Variants in ANKS1B observed in about 807,000 individuals in gnomAD.
ANKS1B encodes the protein ankyrin repeat and sterile alpha motif domain-containing protein 1B.
ANKS1B carries 36 observed loss-of-function variants against 148.3 expected under a neutral mutation model. The observed-to-expected ratio is 0.24, with a 90% confidence interval of 0.19 to 0.32. The LOEUF (loss-of-function observed/expected upper bound fraction) is 0.32. Among genes scored for constraint, ANKS1B ranks in the 10% least tolerant of loss-of-function variants. The pLI, the probability that ANKS1B is intolerant of heterozygous loss-of-function variation, is 1.00. For missense variants in ANKS1B, 1,157 were observed against 1,542.6 expected, an observed-to-expected ratio of 0.75 and a Z score of 4.19; for synonymous variants, 542 against 560.8, an observed-to-expected ratio of 0.97 and a Z score of 0.47.
At chr12:99,803,567 C>G (rs565295500) in intron 4 of ANKS1B, among the ~76,000 whole-genome samples, 10 of 152,076 alleles carry the variant, frequency 6.6e-5, no homozygotes, top group Non-Finnish European at 1.5e-4. Flanking sequence ...GTCTGCCTTT[C>G]TTCTGATATG....
chr12:99,800,097 T>C (rs1330504998), intron 4 of ANKS1B, among the ~76,000 whole-genome samples: 1 of 152,066 alleles, frequency 6.6e-6, no homozygotes, highest in East Asian at 1.9e-4. Context: ...TAACCTCCAG[T>C]GTGACTGTAT....
chr12:99,148,027 T>C (rs2073752721), intron 15 of ANKS1B, among the ~76,000 whole-genome samples: 1 of 152,194 alleles, frequency 6.6e-6, no homozygotes, highest in Middle Eastern at 3.4e-3. Context: ...AAGGAAGTGG[T>C]TGGAAGTGAG....
intron 8 of ANKS1B, among the ~76,000 whole-genome samples, chr12:99,732,082 G>A (rs1409132455): frequency 1.3e-5 from 2 of 152,062 alleles, no homozygotes; most frequent in Admixed American, 6.6e-5. Flanking sequence ...AGTCTTTAAG[G>A]AAATGCAAAT....
chr12:99,156,329 G>A (rs889383446), intron 14 of ANKS1B, among the ~76,000 whole-genome samples: 26 of 152,090 alleles, frequency 1.7e-4, no homozygotes, highest in African/African-American at 5.3e-4. Context: ...GTGAAACAAC[G>A]ACTTCTATAT....
In ANKS1B at chr12:98,829,632, T is replaced by C. The variant is rs2099278171; in HGVS notation, c.2887-279A>G. Among the ~76,000 whole-genome samples the C allele has an allele frequency of 6.6e-6, 1 of 152,216 alleles. No individual in the cohort carries two copies. Among genetic ancestry groups the C allele is most frequent in the African/African-American group, 2.4e-5 (1 of 41,454 alleles). On this transcript the variant is annotated intron_variant, in intron 18 of 26. Coordinates refer to ENST00000683438, the MANE Select transcript of ANKS1B (RefSeq NM_001352186.2). The surrounding 1 kb of genome is among the most constrained non-coding windows in gnomAD (Gnocchi z 5.2). The stretch of plus-strand genomic sequence containing the variant: ...GTCTCAGGAGGGAGGCACACCTATG[T>C]TGGGCACCTCTGACACTACTGCATG...
chr12:99,095,856 C>A lies in ANKS1B; in HGVS notation c.2527-10833G>T, dbSNP rs79213394. ...ATTGCCTCTTCTCATTTTGACTTAA[C>A]GTTGTGAATTTCTCATAAAAAGATG... On this transcript the variant is annotated intron_variant, in intron 15 of 26. Transcript: ENST00000683438. 6.4e-4 allele frequency among the ~76,000 whole-genome samples: 98 copies of A among 152,150 alleles called. No individual in the cohort carries two copies. In the East Asian group the frequency reaches 0.014, roughly 21 times the overall value.
chr12:99,138,246 T>C (rs1204827817), intron 15 of ANKS1B, among the ~76,000 whole-genome samples: 1 of 152,198 alleles, frequency 6.6e-6, no homozygotes, highest in Non-Finnish European at 1.5e-5. Context: ...GGATTATTGC[T>C]TTAGCTATTG....
intron 17 of ANKS1B, among the ~76,000 whole-genome samples, chr12:98,938,185 G>A (rs1002137176): frequency 6.6e-6 from 1 of 152,158 alleles, no homozygotes; most frequent in Non-Finnish European, 1.5e-5. Context: ...GATTAGCTAT[G>A]CAAATAGCAA....
intron 12 of ANKS1B, among the ~76,000 whole-genome samples, chr12:99,292,867 A>C (rs1468010013): frequency 1.3e-5 from 2 of 151,200 alleles, no homozygotes; most frequent in African/African-American, 2.4e-5. Flanking sequence ...GCTGGAGAGG[A>C]TGTGGAGAAA....
intron 12 of ANKS1B, among the ~76,000 whole-genome samples, chr12:99,350,426 A>G (rs2091279512): frequency 6.6e-6 from 1 of 152,190 alleles, no homozygotes; most frequent in Admixed American, 6.6e-5. Flanking sequence ...ATTAAAAACT[A>G]TGATGAAAAA....
At chr12:99,062,545 T>C (rs1305763629) in intron 16 of ANKS1B, among the ~76,000 whole-genome samples, 1 of 151,604 alleles carries the variant, frequency 6.6e-6, no homozygotes. Flanking sequence ...TGGTCAGCAG[T>C]GAGGGGATGC....
At chr12:99,378,010 T>C (rs1164521071) in intron 12 of ANKS1B, among the ~76,000 whole-genome samples, 1 of 152,096 alleles carries the variant, frequency 6.6e-6, no homozygotes, top group Non-Finnish European at 1.5e-5. Flanking sequence ...AAACAATTCT[T>C]TAATTAAAAG....
intron 1 of ANKS1B, among the ~76,000 whole-genome samples, chr12:99,833,387 G>A (rs2084332110): frequency 6.6e-6 from 1 of 152,148 alleles, no homozygotes; most frequent in Admixed American, 6.5e-5. Context: ...TACAGACCAG[G>A]GGAGAAACAA....
intron 14 of ANKS1B, among the ~76,000 whole-genome samples, chr12:99,241,376 TA>T (rs1190334467): frequency 6.6e-6 from 1 of 152,088 alleles, no homozygotes; most frequent in Non-Finnish European, 1.5e-5. Flanking sequence ...AATAGACCAA[TA>T]ACAGGTTCTG....
chr12:98,914,375 G>A (rs2099791149), intron 17 of ANKS1B, among the ~76,000 whole-genome samples: 1 of 152,022 alleles, frequency 6.6e-6, no homozygotes, highest in African/African-American at 2.4e-5. Flanking sequence ...AAATTACCCA[G>A]CCTCAGGCAT....
At chr12:99,727,116 C>A (rs1420065019) in intron 8 of ANKS1B, among the ~76,000 whole-genome samples, 1 of 152,022 alleles carries the variant, frequency 6.6e-6, no homozygotes, top group Non-Finnish European at 1.5e-5. Context: ...TCCCTTTCAA[C>A]ATAATATTGG....
chr12:99,031,796 C>T (rs1598717072), intron 17 of ANKS1B, among the ~76,000 whole-genome samples: 1 of 152,292 alleles, frequency 6.6e-6, no homozygotes, highest in East Asian at 1.9e-4. Context: ...ATTTCCATGC[C>T]TCTTGCCAAC....
intron 10 of ANKS1B, among the ~76,000 whole-genome samples, chr12:99,477,853 C>T (rs867762318): frequency 6.6e-6 from 1 of 151,940 alleles, no homozygotes; most frequent in South Asian, 2.1e-4. Flanking sequence ...ACATTTGACC[C>T]ACAGGGAAAT....
intron 12 of ANKS1B, among the ~76,000 whole-genome samples, chr12:99,348,337 T>C (rs987970702): frequency 2.0e-5 from 3 of 151,786 alleles, no homozygotes; most frequent in Admixed American, 6.6e-5. Context: ...TTCTTCTTGA[T>C]AGTTACCCCC....
Sources: allele counts gnomAD v4.1 joint callset (sites outside exome capture counted in the v4.1 genomes callset), GRCh38; gene constraint gnomAD v4.1.1; non-coding constraint Gnocchi (gnomAD v3.1); transcripts MANE v1.5; gene names NCBI Gene and HGNC (gene_info 2026-07-23, HGNC 2026-07-21).